The following LRRC4C variants were observed in gnomAD, a reference collection of about 807,000 sequenced individuals.
LRRC4C encodes the protein leucine rich repeat containing 4C.
LRRC4C carries 5 observed loss-of-function variants against 33.6 expected under a neutral mutation model. The observed-to-expected ratio is 0.15, with a 90% confidence interval of 0.08 to 0.31. The LOEUF (loss-of-function observed/expected upper bound fraction) is 0.31. Among genes scored for constraint, LRRC4C ranks in the 10% least tolerant of loss-of-function variants. The probability of loss-of-function intolerance (pLI) is 1.00; values close to 1 mark genes in which losing one functional copy is unlikely to be tolerated. For synonymous variants in LRRC4C, 329 were observed against 302.0 expected (o/e 1.09, Z -0.93); for missense variants, 560 against 796.7 (o/e 0.70, Z 3.58).
chr11:41,344,639 T>C (rs1439902382), intron 1 of LRRC4C, among the ~76,000 whole-genome samples: 2 of 152,266 alleles, frequency 1.3e-5, no homozygotes, highest in Non-Finnish European at 2.9e-5. Context: ...ATCTGCTTTA[T>C]GCAAGGGATA....
At chr11:40,252,661 T>C (rs1401412016) in intron 4 of LRRC4C, among the ~76,000 whole-genome samples, 1 of 152,368 alleles carries the variant, frequency 6.6e-6, no homozygotes, top group East Asian at 1.9e-4. Context: ...GCCCAGCTTA[T>C]GGATGTGGCT....
chr11:41,427,912 G>A (rs1290445019), intron 1 of LRRC4C, among the ~76,000 whole-genome samples: 1 of 151,856 alleles, frequency 6.6e-6, no homozygotes, highest in Non-Finnish European at 1.5e-5. Flanking sequence ...CCCCCACTGA[G>A]CACCTTGTGA....
chr11:41,249,540 C>T (rs1449729137), intron 1 of LRRC4C, among the ~76,000 whole-genome samples: 1 of 152,046 alleles, frequency 6.6e-6, no homozygotes, highest in African/African-American at 2.4e-5. Context: ...TTATAGCATC[C>T]TACCTTTTTG....
intron 3 of LRRC4C, among the ~76,000 whole-genome samples, chr11:40,632,477 C>T (rs549025564): frequency 6.6e-6 from 1 of 152,298 alleles, no homozygotes; most frequent in Admixed American, 6.5e-5. Context: ...TTTTGCATAT[C>T]TGTATTTTGG....
intron 3 of LRRC4C, among the ~76,000 whole-genome samples, chr11:40,366,341 A>C (rs1948207389): frequency 6.6e-6 from 1 of 152,092 alleles, no homozygotes; most frequent in Non-Finnish European, 1.5e-5. Flanking sequence ...TCCTTGAAGC[A>C]TTTAAGACAG....
intron 1 of LRRC4C, among the ~76,000 whole-genome samples, chr11:41,104,832 TG>T (rs1203513279): frequency 6.6e-6 from 1 of 151,938 alleles, no homozygotes; most frequent in Non-Finnish European, 1.5e-5. Flanking sequence ...ACATGCTATG[TG>T]TAAAAAGGTC....
intron 5 of LRRC4C, among the ~76,000 whole-genome samples, chr11:40,146,105 T>C (rs1350091152): frequency 6.6e-6 from 1 of 152,174 alleles, no homozygotes. Flanking sequence ...CTCTCCAGTC[T>C]GAAAGGACAC....
intron 1 of LRRC4C, among the ~76,000 whole-genome samples, chr11:41,315,289 T>C (rs535728663): frequency 6.6e-5 from 10 of 152,302 alleles, no homozygotes; most frequent in African/African-American, 2.2e-4. Flanking sequence ...ATTCATGCCA[T>C]TGTGTAGACC....
At chr11:41,000,148 G>C (rs1854274576) in intron 1 of LRRC4C, among the ~76,000 whole-genome samples, 2 of 152,126 alleles carry the variant, frequency 1.3e-5, no homozygotes, top group Admixed American at 6.6e-5. Context: ...ATTTGGTTGA[G>C]TATTTTAAAA....
chr11:40,409,327 A>C (rs1025417512), intron 3 of LRRC4C, among the ~76,000 whole-genome samples: 5 of 151,964 alleles, frequency 3.3e-5, no homozygotes, highest in African/African-American at 1.2e-4. Flanking sequence ...AATTCCATGA[A>C]ATTTTTCTGG....
intron 1 of LRRC4C, among the ~76,000 whole-genome samples, chr11:41,010,946 C>G (rs1344510440): frequency 6.6e-6 from 1 of 152,136 alleles, no homozygotes; most frequent in Non-Finnish European, 1.5e-5. Flanking sequence ...AAAGGAAGGT[C>G]TCATAAAAAT....
Position 40,115,293 on chromosome 11 carries a change from G to C in LRRC4C, c.1000C>G (p.Pro334Ala), listed in dbSNP as rs772553152. The C allele has an allele frequency of 6.8e-6, 11 of 1,614,042 alleles. No individual in the cohort carries two copies. The South Asian group carries it at 1.2e-4, about 18-fold the overall frequency. The stretch of plus-strand genomic sequence containing the variant: ...CCAATGTACCTCCCCTTTAGATTGG[G>C]AGGAGTGTTACACCGGGCACAACAA... ...TACCARCNTP[P>A]NLKGRYIGEL... Residue 334 changes from proline (P) to alanine (A), a missense_variant, in exon 7 of 7, where the codon CCC becomes GCC. By Grantham distance (27) the Pro-to-Ala change is conservative. Coordinates refer to ENST00000528697, the MANE Select transcript of LRRC4C (RefSeq NM_001258419.2). This position sits in a 1 kb window ranked among gnomAD's most constrained non-coding sequence, Gnocchi z 6.7.
At chr11:41,136,165 TTC>T (rs1943252077) in intron 1 of LRRC4C, among the ~76,000 whole-genome samples, 1 of 152,182 alleles carries the variant, frequency 6.6e-6, no homozygotes, top group Admixed American at 6.6e-5. Context: ...TGGAGTTACA[TTC>T]TAGTGTTGGG....
At chr11:40,825,669 T>A (rs1371999519) in intron 2 of LRRC4C, among the ~76,000 whole-genome samples, 4 of 151,950 alleles carry the variant, frequency 2.6e-5, no homozygotes, top group African/African-American at 9.7e-5. Context: ...TTTTCCCACC[T>A]TCATTTCCTT....
At chr11:41,008,992 C>A (rs1854967080) in intron 1 of LRRC4C, among the ~76,000 whole-genome samples, 1 of 151,884 alleles carries the variant, frequency 6.6e-6, no homozygotes, top group East Asian at 1.9e-4. Context: ...AGGGGAAAAT[C>A]TCAACAGAAA....
intron 3 of LRRC4C, among the ~76,000 whole-genome samples, chr11:40,551,110 T>A (rs560339516): frequency 6.6e-6 from 1 of 152,268 alleles, no homozygotes; most frequent in South Asian, 2.1e-4. Context: ...CCTATATTCA[T>A]TTCTACCCTT....
At chr11:41,178,997 G>A (rs558126415) in intron 1 of LRRC4C, among the ~76,000 whole-genome samples, 43 of 152,164 alleles carry the variant, frequency 2.8e-4, no homozygotes, top group African/African-American at 6.0e-4. Flanking sequence ...CACCGTGCCC[G>A]GCCAAGAATC....
intron 3 of LRRC4C, among the ~76,000 whole-genome samples, chr11:40,372,383 G>T (rs1368861792): frequency 6.6e-6 from 1 of 152,272 alleles, no homozygotes; most frequent in East Asian, 1.9e-4. Flanking sequence ...ATGTAGCAGA[G>T]AAGTACACAA....
At chr11:40,683,547 T>G (rs1002875398) in intron 2 of LRRC4C, among the ~76,000 whole-genome samples, 1 of 151,874 alleles carries the variant, frequency 6.6e-6, no homozygotes, top group Non-Finnish European at 1.5e-5. Flanking sequence ...TAAAAAAAAG[T>G]GAAATTCCTA....
Sources: gnomAD v4.1 joint callset for allele counts (sites outside exome capture counted in the v4.1 genomes callset) on GRCh38, gnomAD v4.1.1 for gene constraint, Gnocchi (gnomAD v3.1) non-coding constraint, MANE v1.5 for transcripts, NCBI Gene and HGNC (gene_info 2026-07-23, HGNC 2026-07-21) for gene names.